ALG14: variants seen among roughly 807,000 people sequenced by gnomAD.
The protein encoded by ALG14 is ALG14 UDP-N-acetylglucosaminyltransferase subunit, also known as UDP-N-acetylglucosamine transferase subunit ALG14.
Under a neutral mutation model 22.8 loss-of-function variants are expected in ALG14, and 17 were observed. The ratio of observed to expected loss-of-function variants is 0.75; its 90% CI spans 0.51 to 1.12. ALG14 has a LOEUF of 1.12. ALG14 is among the 50% of genes most tolerant of loss of function. The pLI, the probability that ALG14 is intolerant of heterozygous loss-of-function variation, is 0.00. For synonymous variants in ALG14, 89 were observed against 103.7 expected, an observed-to-expected ratio of 0.86 and a Z score of 0.86; for missense variants, 288 against 271.8, an observed-to-expected ratio of 1.06 and a Z score of -0.42.
chr1:95,025,481 C>T (rs1673785369), intron 3 of ALG14, among the ~76,000 whole-genome samples: 1 of 152,192 alleles, frequency 6.6e-6, no homozygotes, highest in Admixed American at 6.5e-5. Context: ...ACAGAATCAG[C>T]CTGTCCCTTG....
rs551973853 is a variant in ALG14, at chr1:95,035,486, T to C, written c.289-8226A>G. Among the ~76,000 whole-genome samples the C allele has an allele frequency of 1.2e-4, 18 of 152,278 alleles. No individual in the cohort carries two copies. In the South Asian group the frequency reaches 2.7e-3, roughly 23 times the overall value. ...ACGCTCCCTATATGAACTTGACTGA[T>C]GTATAATCAAATATATGGTGGCAAG... On this transcript the variant is annotated intron_variant, in intron 2 of 3. Coordinates refer to ENST00000370205, the MANE Select transcript of ALG14 (RefSeq NM_144988.4).
At chr1:95,026,750 G>A (rs779469649) in intron 3 of ALG14, among the ~76,000 whole-genome samples, 1 of 152,118 alleles carries the variant, frequency 6.6e-6, no homozygotes, top group Non-Finnish European at 1.5e-5. Flanking sequence ...AAAACATGGT[G>A]AAACCCCATC....
At chr1:95,020,164 C>A (rs1018545566) in intron 3 of ALG14, among the ~76,000 whole-genome samples, 1 of 151,794 alleles carries the variant, frequency 6.6e-6, no homozygotes. Context: ...TTGCAGTGAG[C>A]CGAGATCATA....
intron 3 of ALG14, among the ~76,000 whole-genome samples, chr1:94,992,699 G>A (rs1330717133): frequency 6.6e-6 from 1 of 152,152 alleles, no homozygotes; most frequent in African/African-American, 2.4e-5. Flanking sequence ...GGTCCTGCCA[G>A]TTCTTAGTGG....
chr1:95,063,196 C>A (rs917947269), intron 2 of ALG14, among the ~76,000 whole-genome samples: 1 of 152,084 alleles, frequency 6.6e-6, no homozygotes, highest in Non-Finnish European at 1.5e-5. Context: ...GTATATTAGA[C>A]CTTTGTCAGA....
chr1:95,060,552 T>TGAAA (rs1675109113), intron 2 of ALG14, among the ~76,000 whole-genome samples: 1 of 138,756 alleles, frequency 7.2e-6, no homozygotes, highest in Non-Finnish European at 1.6e-5. Context: ...CTGTCTCTAT[T>TGAAA]AAAAAAAAAA....
chr1:95,070,968 T>C (rs1675542447), intron 1 of ALG14, among the ~76,000 whole-genome samples: 1 of 152,138 alleles, frequency 6.6e-6, no homozygotes, highest in South Asian at 2.1e-4. Context: ...CTCCAACTCC[T>C]AAGCTCAAGC....
intron 2 of ALG14, among the ~76,000 whole-genome samples, chr1:95,046,262 T>C (rs1674551911): frequency 6.6e-6 from 1 of 152,168 alleles, no homozygotes; most frequent in African/African-American, 2.4e-5. Flanking sequence ...TAGCAGTCTG[T>C]GGCCTGTTAG....
chr1:95,065,891 A>G (rs1249036236), intron 1 of ALG14, among the ~76,000 whole-genome samples: 6 of 152,226 alleles, frequency 3.9e-5, no homozygotes, highest in Non-Finnish European at 7.3e-5. Context: ...CATTGAGACA[A>G]TGAAAACATT....
Position 94,979,752 on chromosome 1 carries a change from A to G in ALG14, c.*3324T>C, listed in dbSNP as rs1672464446. ...AGCATTAGTTAACTACTCCAGTGCGAAAAGGAGGAGCTATGTCAAATTCAT... is the reference window on the plus strand; with the variant it reads ...AGCATTAGTTAACTACTCCAGTGCGGAAAGGAGGAGCTATGTCAAATTCAT... On this transcript the variant is annotated 3_prime_UTR_variant, in exon 4 of 4. Coordinates refer to ENST00000370205, the MANE Select transcript of ALG14 (RefSeq NM_144988.4). The G allele has an allele frequency of 6.6e-6, 1 of 152,212 alleles. No individual in the cohort carries two copies. The highest frequency in any genetic ancestry group is 1.5e-5 in the Non-Finnish European group (1 of 68,060). 9.4% of individuals were successfully genotyped at this position (152,212 alleles called of 1,614,324 possible).
At chr1:95,026,702 G>T (rs553819537) in intron 3 of ALG14, among the ~76,000 whole-genome samples, 108 of 152,296 alleles carry the variant, frequency 7.1e-4, no homozygotes, top group African/African-American at 2.6e-3. Context: ...GCCGAGGCGG[G>T]CAGATTACTT....
At chr1:95,059,274 G>A (rs999705768) in intron 2 of ALG14, among the ~76,000 whole-genome samples, 3 of 151,360 alleles carry the variant, frequency 2.0e-5, no homozygotes, top group African/African-American at 7.3e-5. Context: ...GCGGGCACCT[G>A]TAATCCAAAC....
At chr1:95,068,285 C>A (rs1557659840) in intron 1 of ALG14, among the ~76,000 whole-genome samples, 1 of 152,148 alleles carries the variant, frequency 6.6e-6, no homozygotes, top group African/African-American at 2.4e-5. Context: ...GTTCTCTGAA[C>A]AGAAGTGATC....
chr1:95,043,889 G>A (rs1283481753), intron 2 of ALG14, among the ~76,000 whole-genome samples: 1 of 151,922 alleles, frequency 6.6e-6, no homozygotes, highest in Non-Finnish European at 1.5e-5. Flanking sequence ...AGGGAAGGAG[G>A]GAGAGAGAGT....
rs549687114 is a variant in ALG14 at position 95,037,911 on chromosome 1, G to A, written c.289-10651C>T. Among the ~76,000 whole-genome samples, 6 of 152,296 alleles carry A rather than the reference G, an allele frequency of 3.9e-5. No individual in the cohort carries two copies. In the East Asian group the frequency reaches 7.7e-4, roughly 20 times the overall value. On this transcript the variant is annotated intron_variant, in intron 2 of 3. Transcript: ENST00000370205. Reference sequence around the variant, plus strand: ...GCCAGGTGACAGGAACTGGGCTAGGGAAACAGAGGTGAATAAGACATTCAC... The same window carrying A: ...GCCAGGTGACAGGAACTGGGCTAGGAAAACAGAGGTGAATAAGACATTCAC...
At chr1:95,013,611 G>A (rs1443408849) in intron 3 of ALG14, among the ~76,000 whole-genome samples, 1 of 152,152 alleles carries the variant, frequency 6.6e-6, no homozygotes, top group Non-Finnish European at 1.5e-5. Context: ...GAGCCAACGT[G>A]CCTGGCCAGT....
Position 94,975,761 on chromosome 1 carries a change from G to A in ALG14, c.*7315C>T, listed in dbSNP as rs747573489. On this transcript the variant is annotated 3_prime_UTR_variant, in exon 4 of 4. Coordinates refer to ENST00000370205, the MANE Select transcript of ALG14 (RefSeq NM_144988.4). The stretch of plus-strand genomic sequence containing the variant: ...CACGCCTGTAATCCCAGCACTTTGG[G>A]AGGCCGAGGCGGGCAGATCACGAGG... 3 of 152,310 alleles carry A rather than the reference G, an allele frequency of 2.0e-5. No individual in the cohort carries two copies. Among genetic ancestry groups the A allele is most frequent in the Admixed American group, 6.5e-5 (1 of 15,270 alleles). 9.4% of individuals were successfully genotyped at this position (152,310 alleles called of 1,614,324 possible). A position where few individuals can be genotyped will look rare whatever the true frequency, so the allele number is the denominator to read the frequency against.
chr1:95,032,566 C>G (rs558068009), intron 2 of ALG14, among the ~76,000 whole-genome samples: 1 of 152,240 alleles, frequency 6.6e-6, no homozygotes, highest in Non-Finnish European at 1.5e-5. Flanking sequence ...AAAAATAGGA[C>G]CATGAGAGAG....
At chr1:95,028,090 T>A (rs1429692804) in intron 2 of ALG14, among the ~76,000 whole-genome samples, 1 of 152,258 alleles carries the variant, frequency 6.6e-6, no homozygotes, top group Non-Finnish European at 1.5e-5. Context: ...GCATGTTTAA[T>A]ATAATCCAGC....
Sources: allele counts gnomAD v4.1 joint callset (sites outside exome capture counted in the v4.1 genomes callset), GRCh38; gene constraint gnomAD v4.1.1; transcripts MANE v1.5; gene names NCBI Gene and HGNC (gene_info 2026-07-23, HGNC 2026-07-21).